WDR19: variants seen among roughly 807,000 people sequenced by gnomAD.
The protein encoded by WDR19 is WD repeat domain 19.
WDR19 carries 121 observed loss-of-function variants against 180.0 expected under a neutral mutation model. The ratio of observed to expected loss-of-function variants is 0.67; its 90% CI spans 0.58 to 0.78. The LOEUF (loss-of-function observed/expected upper bound fraction) is 0.78. Among genes scored for constraint, WDR19 ranks in the 30% least tolerant of loss-of-function variants. The probability of loss-of-function intolerance (pLI) is 0.00; values close to 1 mark genes in which losing one functional copy is unlikely to be tolerated. For missense variants in WDR19, 1,450 were observed against 1,640.7 expected (o/e 0.88, Z 2.01); for synonymous variants, 497 against 540.7 (o/e 0.92, Z 1.12).
intron 20 of WDR19, among the ~76,000 whole-genome samples, chr4:39,235,391 A>C (rs1731277966): frequency 6.6e-6 from 1 of 152,048 alleles, no homozygotes; most frequent in Non-Finnish European, 1.5e-5. Flanking sequence ...CAGCCTCCCA[A>C]AGTGCTAGGA....
chr4:39,277,566 A>G (rs1163651157), intron 34 of WDR19, among the ~76,000 whole-genome samples: 1 of 152,244 alleles, frequency 6.6e-6, no homozygotes, highest in Non-Finnish European at 1.5e-5. Context: ...CACTGGATTA[A>G]TTTAAGCTTT....
intron 29 of WDR19, among the ~76,000 whole-genome samples, chr4:39,267,667 A>G (rs1734949336): frequency 6.6e-6 from 1 of 152,222 alleles, no homozygotes; most frequent in South Asian, 2.1e-4. Flanking sequence ...GAATAGACTC[A>G]GATCCTGTGG....
intron 3 of WDR19, among the ~76,000 whole-genome samples, chr4:39,187,419 C>CAAA (rs71192832): frequency 1.6e-5 from 1 of 63,566 alleles, no homozygotes; most frequent in African/African-American, 6.5e-5. Flanking sequence ...GACTCCATCT[C>CAAA]AAAAAAAAAA....
chr4:39,255,816 C>A (rs758128553), intron 26 of WDR19, 32 bp from the exon 27 acceptor site: 1 of 1,342,244 alleles, frequency 7.5e-7, no homozygotes, highest in South Asian at 1.7e-5. Flanking sequence ...AAATTTTGCT[C>A]AGATATTTTA....
intron 4 of WDR19, among the ~76,000 whole-genome samples, chr4:39,190,002 A>G (rs1416362302): frequency 6.6e-6 from 1 of 152,248 alleles, no homozygotes; most frequent in Non-Finnish European, 1.5e-5. Flanking sequence ...GAACAGACTA[A>G]GAAGTGCAGA....
At chr4:39,191,122 A>G (rs1165985592) in intron 4 of WDR19, among the ~76,000 whole-genome samples, 1 of 152,178 alleles carries the variant, frequency 6.6e-6, no homozygotes, top group African/African-American at 2.4e-5. Flanking sequence ...TGTTATCGTA[A>G]TTGTCATTAA....
chr4:39,254,498 T>C (rs1419976391), intron 26 of WDR19, among the ~76,000 whole-genome samples: 1 of 152,230 alleles, frequency 6.6e-6, no homozygotes, highest in African/African-American at 2.4e-5. Context: ...TAATTTGATA[T>C]TCTGAGAATG....
chr4:39,232,271 A>G lies in WDR19; in HGVS notation c.2252A>G (p.Glu751Gly), dbSNP rs778651224. Residue 751 changes from glutamate to glycine, a missense_variant and splice_region_variant, in exon 19 of 37, where the codon GAG becomes GGG. By Grantham distance (98) the Glu-to-Gly change is moderately conservative. Transcript: ENST00000399820. ...LASSCPIAAL[E>G]MRRDLQHWDS... ...TCCAGCTGTCCTATTGCTGCCCTGG[A>G]GGTATGGCAGCAAGTAAGAATGGAA... 6.3e-7 allele frequency: 1 copy of G among 1,591,176 alleles called. No individual in the cohort carries two copies. Among genetic ancestry groups the G allele is most frequent in the South Asian group, 1.1e-5 (1 of 87,592 alleles).
chr4:39,193,133 CCTTA>C (rs1025764365), intron 4 of WDR19, among the ~76,000 whole-genome samples: 2 of 151,910 alleles, frequency 1.3e-5, no homozygotes, highest in Admixed American at 1.3e-4. Context: ...GTTACTACTC[CCTTA>C]CTTGCTAAAT....
At chr4:39,211,188 C>T (rs1376345131) in intron 9 of WDR19, among the ~76,000 whole-genome samples, 1 of 148,554 alleles carries the variant, frequency 6.7e-6, no homozygotes, top group Non-Finnish European at 1.5e-5. Flanking sequence ...GAAACCCTGT[C>T]TCAAAAAAAA....
Position 39,245,364 on chromosome 4 carries a change from T to G in WDR19, c.2646-5T>G. The G allele has an allele frequency of 6.2e-7, 1 of 1,612,678 alleles. No individual in the cohort carries two copies. The highest frequency in any genetic ancestry group is 2.2e-5 in the East Asian group (1 of 44,836). On this transcript the variant is annotated splice_polypyrimidine_tract_variant and splice_region_variant and intron_variant, in intron 23 of 36. Transcript: ENST00000399820. ...CATACTGTTCTCCTGGACCTACCTT[T>G]CCAGGGCAAAAGTTGGTGATCTTCT...
chr4:39,204,597 CT>C (rs1727754530), intron 7 of WDR19, among the ~76,000 whole-genome samples: 1 of 152,132 alleles, frequency 6.6e-6, no homozygotes, highest in Non-Finnish European at 1.5e-5. Flanking sequence ...AAGTAATGTA[CT>C]TTTTTCTCCC....
Position 39,182,563 on chromosome 4 carries a change from G to A in WDR19, c.6G>A (p.Lys2=). The A allele has an allele frequency of 6.2e-7, 1 of 1,613,790 alleles. No individual in the cohort carries two copies. The highest frequency in any genetic ancestry group is 8.5e-7 in the Non-Finnish European group (1 of 1,179,818). M[K]RIFSLLEKTW... ...GTAGCGGCTCGAGCGTGGAGATGAAGGTAAATAACTTACAAATTCCCGGGG... is the reference window on the plus strand; with the variant it reads ...GTAGCGGCTCGAGCGTGGAGATGAAAGTAAATAACTTACAAATTCCCGGGG... The change falls in exon 1 of 37, where the codon AAG becomes AAA. Residue 2 remains lysine (K), a splice_region_variant and synonymous_variant. Transcript: ENST00000399820.
At chr4:39,200,673 T>C (rs1727275648) in intron 6 of WDR19, among the ~76,000 whole-genome samples, 1 of 152,184 alleles carries the variant, frequency 6.6e-6, no homozygotes. Flanking sequence ...CATCTCTTTA[T>C]AACCTAATCA....
chr4:39,270,208 G>A (rs1735217362), intron 31 of WDR19, 108 bp downstream of exon 31: 26 of 1,393,672 alleles, frequency 1.9e-5, no homozygotes, highest in Non-Finnish European at 2.6e-5. Flanking sequence ...CTAGATGTCT[G>A]TATTGTTAAG....
chr4:39,264,596 T>A (rs1246628232), intron 28 of WDR19, among the ~76,000 whole-genome samples: 1 of 152,204 alleles, frequency 6.6e-6, no homozygotes, highest in African/African-American at 2.4e-5. Flanking sequence ...CAAGGCCATG[T>A]GTGGCTGAGT....
intron 21 of WDR19, among the ~76,000 whole-genome samples, chr4:39,242,490 C>A (rs1466946708): frequency 6.6e-6 from 1 of 152,034 alleles, no homozygotes; most frequent in Admixed American, 6.6e-5. Context: ...GTATCCACTA[C>A]CTTACTGAAG....
At chr4:39,272,866 G>A (rs2109507452) in intron 31 of WDR19, 114 bp from the exon 32 acceptor site, 1 of 822,130 alleles carries the variant, frequency 1.2e-6, no homozygotes, top group East Asian at 2.9e-5. Context: ...AAGTCTACAA[G>A]GATCCCACAG....
intron 1 of WDR19, among the ~76,000 whole-genome samples, chr4:39,183,340 C>T (rs1725171195): frequency 6.8e-6 from 1 of 147,770 alleles, no homozygotes; most frequent in Non-Finnish European, 1.5e-5. Context: ...ACCTCCACCT[C>T]CTGGGTTCAA....
Sources: allele counts gnomAD v4.1 joint callset (sites outside exome capture counted in the v4.1 genomes callset), GRCh38; gene constraint gnomAD v4.1.1; transcripts MANE v1.5; gene names NCBI Gene and HGNC (gene_info 2026-07-23, HGNC 2026-07-21).